The following HSD17B11 variants were observed in gnomAD, a reference collection of about 807,000 sequenced individuals.
HSD17B11 encodes the protein hydroxysteroid 17-beta dehydrogenase 11.
HSD17B11 carries 22 observed loss-of-function variants against 27.8 expected under a neutral mutation model. The ratio of observed to expected loss-of-function variants is 0.79; its 90% confidence interval spans 0.56 to 1.13. The LOEUF is 1.13. Among genes scored for constraint, HSD17B11 ranks in the 50% most tolerant of loss-of-function variants. The pLI is 0.00. For synonymous variants in HSD17B11, 117 were observed against 132.8 expected (o/e 0.88, Z 0.82); for missense variants, 314 against 351.1 (o/e 0.89, Z 0.84).
At chr4:87,338,018 T>C (rs556436887) in intron 6 of HSD17B11, among the ~76,000 whole-genome samples, 1 of 152,028 alleles carries the variant, frequency 6.6e-6, no homozygotes, top group Non-Finnish European at 1.5e-5. Context: ...GAGACCGAGA[T>C]CATCCTGGCT....
intron 4 of HSD17B11, among the ~76,000 whole-genome samples, chr4:87,368,242 G>A (rs113154734): frequency 1.3e-5 from 2 of 152,082 alleles, no homozygotes; most frequent in South Asian, 4.1e-4. Flanking sequence ...GCATGAACCC[G>A]GGAGGCAGAG....
At chr4:87,384,413 G>C (rs1333722367) in intron 1 of HSD17B11, among the ~76,000 whole-genome samples, 1 of 152,162 alleles carries the variant, frequency 6.6e-6, no homozygotes, top group Non-Finnish European at 1.5e-5. Flanking sequence ...AACAAGGGAA[G>C]ACAACCATAA....
At chr4:87,347,103 ATTTTTTTTTTTTCT>A (rs1355082438) in intron 5 of HSD17B11, among the ~76,000 whole-genome samples, 4 of 62,590 alleles carry the variant, frequency 6.4e-5, no homozygotes, top group East Asian at 1.2e-3. Flanking sequence ...AGTATTCTGG[ATTTTTTTTTTTTCT>A]TTTTTTTTTT....
At chr4:87,345,788 G>A (rs1735261967) in intron 5 of HSD17B11, among the ~76,000 whole-genome samples, 1 of 152,006 alleles carries the variant, frequency 6.6e-6, no homozygotes, top group South Asian at 2.1e-4. Flanking sequence ...TCTTTAATAA[G>A]AGATTGAATC....
intron 2 of HSD17B11, among the ~76,000 whole-genome samples, chr4:87,380,863 C>CAAAAAAAAAA (rs561938045): frequency 2.8e-4 from 21 of 74,724 alleles, no homozygotes; most frequent in African/African-American, 6.5e-4. Flanking sequence ...GACTCTATCT[C>CAAAAAAAAAA]AAAAAAAAAA....
At chr4:87,338,061 C>T (rs7660178) in intron 6 of HSD17B11, among the ~76,000 whole-genome samples, 1 of 152,080 alleles carries the variant, frequency 6.6e-6, no homozygotes, top group African/African-American at 2.4e-5. Context: ...ACTAAAAATA[C>T]AAAAAATTAG....
chr4:87,337,444 T>G (rs933087246), intron 6 of HSD17B11, 78 bp from the exon 7 acceptor site: 29 of 837,990 alleles, frequency 3.5e-5, no homozygotes, highest in Admixed American at 1.5e-4. Flanking sequence ...AGAAATACTT[T>G]TAAGTTATCA....
chr4:87,342,535 C>T (rs1735189759), intron 5 of HSD17B11, among the ~76,000 whole-genome samples: 1 of 151,282 alleles, frequency 6.6e-6, no homozygotes, highest in Non-Finnish European at 1.5e-5. Context: ...GGTGAGATCT[C>T]GTCTCAAAAA....
chr4:87,341,584 G>A (rs997059847), intron 5 of HSD17B11, among the ~76,000 whole-genome samples: 1 of 152,184 alleles, frequency 6.6e-6, no homozygotes. Context: ...TGGGTGTGAC[G>A]GTTCAGGCCT....
chr4:87,354,615 C>A (rs2110116069), intron 5 of HSD17B11, among the ~76,000 whole-genome samples: 1 of 150,066 alleles, frequency 6.7e-6, no homozygotes, highest in Admixed American at 6.7e-5. Flanking sequence ...CTGCATCCAG[C>A]CTGGGTGACA....
chr4:87,374,590 T>C lies in HSD17B11; in HGVS notation c.450+109A>G. Reference sequence around the variant, plus strand: ...TTTGTATAATGTTATCCCTGGTGCCTGGAGAAAACTTTAGCATTGATTTAA... The same window carrying C: ...TTTGTATAATGTTATCCCTGGTGCCCGGAGAAAACTTTAGCATTGATTTAA... On this transcript the variant is annotated intron_variant, in intron 3 of 6. Transcript: ENST00000358290. 27 of 1,025,634 alleles carry C rather than the reference T, an allele frequency of 2.6e-5. 1 individual carries two copies. In the South Asian group the frequency reaches 3.5e-4, roughly 13 times the overall value. 63.5% of individuals were successfully genotyped at this position (1,025,634 alleles called of 1,614,324 possible).
At chr4:87,380,470 C>CAAAAAAAAAAAA (rs759061081) in intron 2 of HSD17B11, among the ~76,000 whole-genome samples, 2 of 39,022 alleles carry the variant, frequency 5.1e-5, no homozygotes, top group Non-Finnish European at 1.0e-4. Flanking sequence ...AAGACTGTCT[C>CAAAAAAAAAAAA]AAAAAAAAAA....
chr4:87,376,575 A>G (rs1735830584), intron 2 of HSD17B11, among the ~76,000 whole-genome samples: 1 of 151,786 alleles, frequency 6.6e-6, no homozygotes, highest in Non-Finnish European at 1.5e-5. Flanking sequence ...GGTAAATAAT[A>G]TTAAAATACA....
intron 2 of HSD17B11, among the ~76,000 whole-genome samples, chr4:87,378,957 TATA>T (rs1461006092): frequency 4.8e-4 from 14 of 28,922 alleles, no homozygotes; most frequent in Non-Finnish European, 7.0e-4. Flanking sequence ...TTTATATATA[TATA>T]TTTTTTTTTT....
At chr4:87,378,919 A>AATAT (rs1553960264) in intron 2 of HSD17B11, among the ~76,000 whole-genome samples, 1 of 5,928 alleles carries the variant, frequency 1.7e-4, no homozygotes, top group Non-Finnish European at 2.7e-4. Flanking sequence ...TATATATATA[A>AATAT]ATATATATAA....
intron 2 of HSD17B11, among the ~76,000 whole-genome samples, chr4:87,381,970 T>A (rs1334386366): frequency 2.0e-5 from 3 of 152,074 alleles, no homozygotes; most frequent in Admixed American, 6.6e-5. Context: ...GGTGGATGTA[T>A]TTGAGGCCCT....
intron 5 of HSD17B11, among the ~76,000 whole-genome samples, chr4:87,354,307 A>AAATAAT (rs528605380): frequency 1.3e-5 from 2 of 151,996 alleles, no homozygotes; most frequent in Non-Finnish European, 2.9e-5. Flanking sequence ...TCCACTAAAA[A>AAATAAT]AATAATAATA....
intron 1 of HSD17B11, 83 bp downstream of exon 1, chr4:87,390,778 A>T: frequency 8.6e-7 from 1 of 1,162,872 alleles, no homozygotes; most frequent in Non-Finnish European, 1.3e-6. Context: ...TGCAGAGATG[A>T]GGTAAAGGGT....
Position 87,372,717 on chromosome 4 carries a change from C to CAGTAAGAA in HSD17B11, c.541_548dup (p.Ala184SerfsTer19), listed in dbSNP as rs1399567180. On this transcript the variant is annotated frameshift_variant, in exon 4 of 7. Coordinates refer to ENST00000358290, the MANE Select transcript of HSD17B11 (RefSeq NM_016245.5). LOFTEE classifies it high-confidence loss of function. ...AACACATGTTCACATACCAGTAAGC[C>CAGTAAGAA]AGTAAGAAGGGGACCGAGACATGTC... 6.2e-7 allele frequency: 1 copy of CAGTAAGAA among 1,600,478 alleles called. No individual in the cohort carries two copies. The highest frequency in any genetic ancestry group is 1.7e-5 in the Admixed American group (1 of 59,960).
Sources: gnomAD v4.1 joint callset for allele counts (sites outside exome capture counted in the v4.1 genomes callset) on GRCh38, gnomAD v4.1.1 for gene constraint, MANE v1.5 for transcripts, NCBI Gene and HGNC (gene_info 2026-07-23, HGNC 2026-07-21) for gene names.